Variants in COL4A2 observed in about 807,000 individuals in gnomAD.
COL4A2 encodes collagen type IV alpha 2 chain.
In COL4A2, 99 loss-of-function variants were observed where a neutral mutation model predicts 200.2. The observed-to-expected ratio is 0.49, with a 90% CI of 0.42 to 0.58. The LOEUF is 0.58. Ranked by LOEUF, COL4A2 falls within the 20% of genes least tolerant of loss-of-function variation. The pLI is 0.00. For synonymous variants in COL4A2, 897 were observed against 900.6 expected (o/e 1.00, Z 0.07); for missense variants, 1,950 against 2,314.1 (o/e 0.84, Z 3.23).
In COL4A2 at chr13:110,381,461, A is replaced by G. The variant is rs148679029; in HGVS notation, c.180+23909A>G. Among the ~76,000 whole-genome samples, 62 of 152,364 alleles carry G rather than the reference A, an allele frequency of 4.1e-4. No homozygotes were observed. The East Asian group carries it at 0.011, about 28-fold the overall frequency. On this transcript the variant is annotated intron_variant, in intron 4 of 47. Coordinates refer to ENST00000360467, the MANE Select transcript of COL4A2 (RefSeq NM_001846.4). ...ACTGTAAATCCTATTGGGAAATAAC[A>G]GTTATTAAACCTCTTCATCAGGAGC...
chr13:110,363,514 G>C lies in COL4A2; in HGVS notation c.180+5962G>C, dbSNP rs550650777. Reference sequence around the variant, plus strand: ...GAAGAGGGAACGAGTGCTCGGGGCGGGTTGGAGGCAGATAACGAGAAGGCA... The same window carrying C: ...GAAGAGGGAACGAGTGCTCGGGGCGCGTTGGAGGCAGATAACGAGAAGGCA... On this transcript the variant is annotated intron_variant, in intron 4 of 47. Coordinates refer to ENST00000360467, the MANE Select transcript of COL4A2 (RefSeq NM_001846.4). Among the ~76,000 whole-genome samples the C allele has an allele frequency of 6.6e-5, 10 of 152,236 alleles. No individual in the cohort carries two copies. In the East Asian group the frequency reaches 1.9e-3, roughly 29 times the overall value.
At chr13:110,312,169 C>T (rs1240665065) in intron 3 of COL4A2, among the ~76,000 whole-genome samples, 2 of 152,220 alleles carry the variant, frequency 1.3e-5, no homozygotes, top group Admixed American at 6.5e-5. Flanking sequence ...GATAAACAAG[C>T]ATATCTCAGC....
Position 110,492,109 on chromosome 13 carries a change from A to C in COL4A2, c.3494A>C (p.Glu1165Ala). 6.4e-7 allele frequency: 1 copy of C among 1,552,974 alleles called. No homozygotes were observed. The highest frequency in any genetic ancestry group is 1.2e-5 in the South Asian group (1 of 84,126). ...GLTGPPGSQGELGRIGLPGGK... is the reference protein window; with the variant it reads ...GLTGPPGSQGALGRIGLPGGK... ...ACTGGGCCTCCAGGGTCGCAGGGAG[A>C]GCTGGGGCGGATTGGACTGCCTGGT... is the stretch of plus-strand genomic sequence containing the variant. Residue 1165 changes from glutamate (E) to alanine (A), a missense_variant, in exon 38 of 48, where the codon GAG (glutamate) becomes GCG (alanine). Physicochemically the swap from Glu to Ala is moderately radical, Grantham distance 107. Transcript: ENST00000360467.
At chr13:110,374,677 G>T (rs1031095100) in intron 4 of COL4A2, among the ~76,000 whole-genome samples, 5 of 152,106 alleles carry the variant, frequency 3.3e-5, no homozygotes, top group African/African-American at 1.2e-4. Flanking sequence ...AACCAGAAAG[G>T]TTCTCCAAAT....
At chr13:110,493,062 CGATGAGTGACACCCCCATGGGTGA>C in intron 38 of COL4A2, 125 bp from the exon 39 acceptor site, 41 of 865,984 alleles carry the variant, frequency 4.7e-5, no homozygotes, top group South Asian at 1.3e-4. Context: ...GGTGAAATAA[CGATGAGTGACACCCCCATGGGTGA>C]AATAACGATG....
At chr13:110,483,565 A>G (rs1466133625) in intron 32 of COL4A2, among the ~76,000 whole-genome samples, 2 of 152,246 alleles carry the variant, frequency 1.3e-5, no homozygotes, top group Non-Finnish European at 2.9e-5. Context: ...AGTGCTGAGG[A>G]AGGATGGGGC....
chr13:110,406,535 C>T lies in COL4A2; in HGVS notation c.181-18199C>T, dbSNP rs527882209. Among the ~76,000 whole-genome samples the T allele has an allele frequency of 5.9e-5, 9 of 152,322 alleles. No individual in the cohort carries two copies. In the South Asian group the frequency reaches 1.9e-3, roughly 32 times the overall value. ...CAAAACTCAGGTCCATCCTAGAGCA[C>T]ATCCCAGGAGAAGTTTCTCTATGGG... is the stretch of plus-strand genomic sequence containing the variant. On this transcript the variant is annotated intron_variant, in intron 4 of 47. Transcript: ENST00000360467.
At chr13:110,343,161 G>A (rs187953382) in intron 3 of COL4A2, among the ~76,000 whole-genome samples, 12 of 152,156 alleles carry the variant, frequency 7.9e-5, no homozygotes, top group African/African-American at 2.2e-4. Flanking sequence ...ATTGTCCATC[G>A]AACACAAGAA....
rs143588114 is a variant in COL4A2 at position 110,465,056 on chromosome 13, T to G, written c.1777-349T>G. Among the ~76,000 whole-genome samples the G allele has an allele frequency of 2.4e-3, 364 of 152,336 alleles. 2 individuals are homozygous for G. Among genetic ancestry groups the G allele is most frequent in the African/African-American group, 8.4e-3 (350 of 41,576 alleles). The stretch of plus-strand genomic sequence containing the variant: ...GCTAAATTATAACAACAAAATCATG[T>G]GTTTCTTTCTCCACCCACAGTAGAA... On this transcript the variant is annotated intron_variant, in intron 24 of 47. Coordinates refer to ENST00000360467, the MANE Select transcript of COL4A2 (RefSeq NM_001846.4).
intron 16 of COL4A2, among the ~76,000 whole-genome samples, chr13:110,444,356 G>A (rs1881244743): frequency 6.6e-6 from 1 of 152,230 alleles, no homozygotes; most frequent in African/African-American, 2.4e-5. Flanking sequence ...GTCTGTGGCT[G>A]TGCTCACAGC....
In COL4A2 at chr13:110,324,523, C is replaced by T. The variant is rs540788976; in HGVS notation, c.99+16400C>T. Among the ~76,000 whole-genome samples the T allele has an allele frequency of 2.0e-3, 300 of 152,330 alleles. 2 individuals carry two copies. Among genetic ancestry groups the T allele is most frequent in the Non-Finnish European group, 3.3e-3 (224 of 68,026 alleles). ...AGAAAGCATACTGGACATGAAGCCCCAGTCCTGGCTGGGGGTCAGAAGAGA... is the reference window on the plus strand; with the variant it reads ...AGAAAGCATACTGGACATGAAGCCCTAGTCCTGGCTGGGGGTCAGAAGAGA... On this transcript the variant is annotated intron_variant, in intron 3 of 47. Transcript: ENST00000360467.
chr13:110,412,634 C>T (rs1392729519), intron 4 of COL4A2, among the ~76,000 whole-genome samples: 2 of 152,236 alleles, frequency 1.3e-5, no homozygotes, highest in South Asian at 2.1e-4. Flanking sequence ...CCCTTCCCTC[C>T]ATAACCTTTA....
intron 18 of COL4A2, among the ~76,000 whole-genome samples, chr13:110,447,328 A>G (rs551822812): frequency 1.3e-5 from 2 of 152,322 alleles, no homozygotes; most frequent in Non-Finnish European, 2.9e-5. Flanking sequence ...GAACAGTCAC[A>G]TGCTTTCAGG....
intron 4 of COL4A2, among the ~76,000 whole-genome samples, chr13:110,413,392 T>C (rs953535544): frequency 6.6e-5 from 10 of 152,106 alleles, no homozygotes; most frequent in African/African-American, 2.2e-4. Flanking sequence ...TACAGAGATG[T>C]AGTATGGCAG....
At chr13:110,338,436 G>GA (rs1245404919) in intron 3 of COL4A2, among the ~76,000 whole-genome samples, 2 of 40,160 alleles carry the variant, frequency 5.0e-5, no homozygotes, top group Non-Finnish European at 7.0e-5. Flanking sequence ...GTTGTGTGTG[G>GA]GGGGGGGTGG....
chr13:110,369,809 C>T (rs747961342), intron 4 of COL4A2, among the ~76,000 whole-genome samples: 7 of 152,182 alleles, frequency 4.6e-5, no homozygotes, highest in Non-Finnish European at 8.8e-5. Flanking sequence ...ACAGATGAGC[C>T]TTCTCTCCCA....
intron 4 of COL4A2, among the ~76,000 whole-genome samples, chr13:110,410,023 G>C (rs1438071483): frequency 2.0e-5 from 3 of 152,220 alleles, no homozygotes; most frequent in Non-Finnish European, 4.4e-5. Flanking sequence ...CAGACACTCG[G>C]TGTTACTGTG....
At chr13:110,436,131 A>T (rs200325499) in intron 12 of COL4A2, 138 bp from the exon 13 acceptor site, 11 of 1,240,934 alleles carry the variant, frequency 8.9e-6, no homozygotes, top group Middle Eastern at 3.8e-4. Context: ...TGTGGTTATT[A>T]TACTGTAAAT....
chr13:110,508,133 T>G lies in COL4A2; in HGVS notation c.4793T>G (p.Ile1598Ser). The G allele has an allele frequency of 1.2e-6, 2 of 1,614,266 alleles. No individual in the cohort carries two copies. ...SRCSVCEAPA[I>S]AIAVHSQDVS... is the part of the protein sequence containing the mutation. The stretch of plus-strand genomic sequence containing the variant: ...TGTTCTGTGTGTGAGGCCCCGGCCA[T>G]CGCCATCGCGGTCCACAGTCAGGAT... The change falls in exon 47 of 48, where the codon ATC becomes AGC. Residue 1598 changes from isoleucine to serine, a missense_variant. By Grantham distance (142) the Ile-to-Ser change is moderately radical. Around this residue, in one of 2 missense-constraint regions of COL4A2, gnomAD observed 1,385 missense variants for 1,720.5 expected, o/e 0.80. Transcript: ENST00000360467. The surrounding 1 kb of genome is among the most constrained non-coding windows in gnomAD (Gnocchi z 6.1).
Sources: gnomAD v4.1 joint callset for allele counts (sites outside exome capture counted in the v4.1 genomes callset) on GRCh38, gnomAD v4.1.1 for gene constraint, gnomAD v4.1.1 regional missense constraint, Gnocchi (gnomAD v3.1) non-coding constraint, MANE v1.5 for transcripts, NCBI Gene and HGNC (gene_info 2026-07-23, HGNC 2026-07-21) for gene names.